SGCD: variants seen among roughly 807,000 people sequenced by gnomAD.
The protein encoded by SGCD is sarcoglycan delta, also known as delta-sarcoglycan.
Under a neutral mutation model 36.6 loss-of-function variants are expected in SGCD, and 18 were observed. The observed-to-expected ratio is 0.49, with a 90% CI of 0.34 to 0.73. The LOEUF (loss-of-function observed/expected upper bound fraction) is 0.73, where lower values mean the gene tolerates loss of function less well. SGCD is among the 30% of genes least tolerant of loss of function. The pLI is 0.01. For synonymous variants in SGCD, 133 were observed against 130.6 expected (o/e 1.02, Z -0.12); for missense variants, 387 against 346.7 (o/e 1.12, Z -0.92).
intron 3 of SGCD, among the ~76,000 whole-genome samples, chr5:156,318,081 A>G (rs74973159): frequency 0.057 from 8,642 of 152,292 alleles, 776 homozygotes; most frequent in African/African-American, 0.19. Context: ...AGCTGATTCT[A>G]TCAACTCAGC....
intron 6 of SGCD, among the ~76,000 whole-genome samples, chr5:156,632,294 G>A (rs379836): frequency 2.0e-5 from 3 of 152,048 alleles, no homozygotes; most frequent in African/African-American, 4.8e-5. Flanking sequence ...TATCCTGGGG[G>A]TGGGGGAGGG....
intron 3 of SGCD, among the ~76,000 whole-genome samples, chr5:156,360,980 A>G (rs1387764569): frequency 3.9e-5 from 6 of 152,064 alleles, no homozygotes; most frequent in Non-Finnish European, 8.8e-5. Context: ...GATTGAGGCA[A>G]GGGGTCAATT....
intron 3 of SGCD, chr5:156,124,147 A>C (rs1762113226): frequency 2.6e-5 from 4 of 152,180 alleles, no homozygotes; most frequent in Admixed American, 1.3e-4. Flanking sequence ...CTTAAAGGAA[A>C]GATCTTTTCT....
intron 6 of SGCD, among the ~76,000 whole-genome samples, chr5:156,619,855 C>T (rs190066637): frequency 6.6e-6 from 1 of 152,312 alleles, no homozygotes; most frequent in African/African-American, 2.4e-5. Flanking sequence ...TTATGCTTCA[C>T]CTCCTTGCTT....
the SGCD span, among the ~76,000 whole-genome samples, chr5:155,755,211 G>C: frequency 5.9e-5 from 9 of 152,140 alleles, no homozygotes; most frequent in Non-Finnish European, 1.3e-4. Context: ...AGTGCTCTAT[G>C]AAACATTGAA....
chr5:156,008,646 G>A (rs1758799290), intron 1 of SGCD, among the ~76,000 whole-genome samples: 1 of 152,182 alleles, frequency 6.6e-6, no homozygotes, highest in African/African-American at 2.4e-5. Context: ...AAAGCATTAG[G>A]TTTACAGGCA....
chr5:156,412,819 C>T (rs1472316652), intron 3 of SGCD, among the ~76,000 whole-genome samples: 1 of 136,358 alleles, frequency 7.3e-6, no homozygotes, highest in African/African-American at 2.7e-5. Flanking sequence ...GACGGAGTCT[C>T]GCTCTGTCGC....
At chr5:155,937,304 A>T (rs911786659) in intron 1 of SGCD, among the ~76,000 whole-genome samples, 1 of 152,204 alleles carries the variant, frequency 6.6e-6, no homozygotes, top group Non-Finnish European at 1.5e-5. Flanking sequence ...CAGCTGCTCC[A>T]GGCAGGCCGC....
intron 3 of SGCD, among the ~76,000 whole-genome samples, chr5:156,226,343 T>A (rs958315720): frequency 2.0e-5 from 3 of 152,130 alleles, no homozygotes; most frequent in African/African-American, 7.2e-5. Flanking sequence ...TCCTGAGTTA[T>A]TTTACCTACA....
At chr5:155,906,195 A>G (rs928159223) in intron 1 of SGCD, among the ~76,000 whole-genome samples, 2 of 152,060 alleles carry the variant, frequency 1.3e-5, no homozygotes, top group African/African-American at 2.4e-5. Context: ...TAATATAGAG[A>G]ACTTAATTGA....
chr5:155,895,917 G>T (rs1008477885), intron 1 of SGCD, among the ~76,000 whole-genome samples: 2 of 152,232 alleles, frequency 1.3e-5, no homozygotes, highest in African/African-American at 4.8e-5. Flanking sequence ...AAACTTCCCT[G>T]TTGCTGTGAG....
intron 7 of SGCD, among the ~76,000 whole-genome samples, chr5:156,667,686 C>G (rs1232409537): frequency 6.6e-6 from 1 of 152,166 alleles, no homozygotes; most frequent in Non-Finnish European, 1.5e-5. Context: ...AATGCCTATC[C>G]GCTTTGTGAA....
chr5:156,396,392 C>T (rs1283381158), intron 3 of SGCD, among the ~76,000 whole-genome samples: 1 of 152,100 alleles, frequency 6.6e-6, no homozygotes, highest in Admixed American at 6.5e-5. Flanking sequence ...GGTTGCCTCT[C>T]ATTAGCAGCA....
At chr5:155,854,051 T>G in the SGCD span, among the ~76,000 whole-genome samples, 1 of 152,312 alleles carries the variant, frequency 6.6e-6, no homozygotes, top group Non-Finnish European at 1.5e-5. Flanking sequence ...TATACTCTAT[T>G]TAACCTTATT....
At chr5:156,269,172 A>T (rs565886437) in intron 3 of SGCD, among the ~76,000 whole-genome samples, 1 of 151,744 alleles carries the variant, frequency 6.6e-6, no homozygotes. Flanking sequence ...CCCCTGAAAA[A>T]CCCATCAGAT....
the SGCD span, among the ~76,000 whole-genome samples, chr5:155,843,673 T>C: frequency 6.6e-6 from 1 of 152,124 alleles, no homozygotes; most frequent in South Asian, 2.1e-4. Flanking sequence ...AGAGGAGAGG[T>C]AACTTCTGGC....
chr5:156,455,338 A>G lies in SGCD; in HGVS notation c.193-53263A>G, dbSNP rs1248406873. 4.6e-5 allele frequency among the ~76,000 whole-genome samples: 7 copies of G among 152,250 alleles called. No individual in the cohort carries two copies. The East Asian group carries it at 1.4e-3, about 29-fold the overall frequency. ...TCCTACTCATGTCTGCATTCCTAGCACAGATGCCTTCATTCAGAGACCTCT... is the reference window on the plus strand; with the variant it reads ...TCCTACTCATGTCTGCATTCCTAGCGCAGATGCCTTCATTCAGAGACCTCT... On this transcript the variant is annotated intron_variant, in intron 3 of 8. Transcript: ENST00000337851.
intron 3 of SGCD, among the ~76,000 whole-genome samples, chr5:156,128,019 C>T (rs1282863148): frequency 6.6e-6 from 1 of 151,338 alleles, no homozygotes; most frequent in East Asian, 1.9e-4. Context: ...AAAGCATCTA[C>T]TCATCAAAAA....
chr5:156,129,315 CT>C (rs1470366068), intron 3 of SGCD, among the ~76,000 whole-genome samples: 1 of 152,024 alleles, frequency 6.6e-6, no homozygotes, highest in African/African-American at 2.4e-5. Flanking sequence ...ATCATTATTC[CT>C]AATGTACAGA....
Sources: allele counts gnomAD v4.1 joint callset (sites outside exome capture counted in the v4.1 genomes callset), GRCh38; gene constraint gnomAD v4.1.1; transcripts MANE v1.5; gene names NCBI Gene and HGNC (gene_info 2026-07-23, HGNC 2026-07-21).